GRID2: variants seen among roughly 807,000 people sequenced by gnomAD.
The protein encoded by GRID2 is glutamate ionotropic receptor delta type subunit 2.
In GRID2, 33 loss-of-function variants were observed where a neutral mutation model predicts 114.8. The observed-to-expected ratio is 0.29, with a 90% CI of 0.22 to 0.38. The LOEUF (loss-of-function observed/expected upper bound fraction) is 0.38. Among genes scored for constraint, GRID2 ranks in the 10% least tolerant of loss-of-function variants. The probability of loss-of-function intolerance (pLI) is 1.00; values close to 1 mark genes in which losing one functional copy is unlikely to be tolerated. For synonymous variants in GRID2, 505 were observed against 449.9 expected, an observed-to-expected ratio of 1.12 and a Z score of -1.55; for missense variants, 1,184 against 1,257.7, an observed-to-expected ratio of 0.94 and a Z score of 0.89.
At chr4:93,348,669 A>G (rs999550562) in intron 8 of GRID2, among the ~76,000 whole-genome samples, 2 of 152,150 alleles carry the variant, frequency 1.3e-5, no homozygotes, top group African/African-American at 4.8e-5. Context: ...TGGCACTCAT[A>G]GACTGCTTCC....
intron 8 of GRID2, among the ~76,000 whole-genome samples, chr4:93,277,780 CT>C (rs1203855537): frequency 6.6e-6 from 1 of 151,888 alleles, no homozygotes; most frequent in African/African-American, 2.4e-5. Flanking sequence ...ATCTGCCCCT[CT>C]TTGCATCTGT....
At chr4:93,310,497 C>T (rs1276753982) in intron 8 of GRID2, among the ~76,000 whole-genome samples, 4 of 152,064 alleles carry the variant, frequency 2.6e-5, no homozygotes, top group Non-Finnish European at 4.4e-5. Flanking sequence ...TGCCACTGCA[C>T]TCCAGCCTGG....
chr4:92,425,143 A>G (rs1732095212), intron 1 of GRID2, among the ~76,000 whole-genome samples: 1 of 152,102 alleles, frequency 6.6e-6, no homozygotes, highest in African/African-American at 2.4e-5. Context: ...AATTTTCTGT[A>G]GAAAGAGAAG....
chr4:93,057,211 C>T (rs1442280361), intron 2 of GRID2, among the ~76,000 whole-genome samples: 1 of 151,022 alleles, frequency 6.6e-6, no homozygotes, highest in Admixed American at 6.6e-5. Flanking sequence ...ATTTCTTAGA[C>T]ATCTTAGTAT....
intron 2 of GRID2, among the ~76,000 whole-genome samples, chr4:92,799,750 G>C (rs1348026264): frequency 6.6e-6 from 1 of 151,988 alleles, no homozygotes; most frequent in Non-Finnish European, 1.5e-5. Context: ...AAGTACTGGA[G>C]GTTAGGGCTT....
intron 4 of GRID2, among the ~76,000 whole-genome samples, chr4:93,148,113 TG>T (rs1367668792): frequency 6.6e-6 from 1 of 152,226 alleles, no homozygotes; most frequent in East Asian, 1.9e-4. Context: ...AGCCATGATG[TG>T]TGGCATACCA....
chr4:92,714,431 G>A (rs985108092), intron 2 of GRID2, among the ~76,000 whole-genome samples: 1 of 152,148 alleles, frequency 6.6e-6, no homozygotes, highest in African/African-American at 2.4e-5. Flanking sequence ...CCATTCTGGG[G>A]TCTGGAGAAT....
At chr4:92,730,260 A>G (rs1404860299) in intron 2 of GRID2, among the ~76,000 whole-genome samples, 1 of 151,970 alleles carries the variant, frequency 6.6e-6, no homozygotes, top group East Asian at 1.9e-4. Context: ...ACCACTACAT[A>G]GAAAAGGTAG....
intron 2 of GRID2, among the ~76,000 whole-genome samples, chr4:93,005,934 T>G (rs902587516): frequency 5.3e-5 from 8 of 152,122 alleles, no homozygotes; most frequent in East Asian, 3.9e-4. Flanking sequence ...TTAACCACGC[T>G]GGTCTCTTTG....
intron 1 of GRID2, among the ~76,000 whole-genome samples, chr4:93,804,449 G>A (rs189697537): frequency 4.6e-5 from 7 of 152,062 alleles, no homozygotes; most frequent in Admixed American, 6.6e-5. Context: ...ACAGAATACC[G>A]CAGGCAATTG....
intron 2 of GRID2, among the ~76,000 whole-genome samples, chr4:92,898,028 T>C (rs1747295174): frequency 6.6e-6 from 1 of 152,100 alleles, no homozygotes; most frequent in Non-Finnish European, 1.5e-5. Context: ...TCTGAAAAAT[T>C]GTAAGTTAAA....
At chr4:92,823,623 G>A (rs1741454726) in intron 2 of GRID2, among the ~76,000 whole-genome samples, 1 of 152,082 alleles carries the variant, frequency 6.6e-6, no homozygotes, top group Admixed American at 6.6e-5. Context: ...GATTAAAAAT[G>A]TATCTAGATC....
chr4:93,340,624 C>A (rs1192775748), intron 8 of GRID2, among the ~76,000 whole-genome samples: 1 of 151,960 alleles, frequency 6.6e-6, no homozygotes, highest in Non-Finnish European at 1.5e-5. Context: ...GACACTAGTT[C>A]CTCTTTAAAG....
intron 13 of GRID2, among the ~76,000 whole-genome samples, chr4:93,517,557 TA>T (rs1413780466): frequency 2.6e-5 from 4 of 152,070 alleles, no homozygotes. Context: ...GACAATTGAT[TA>T]GACAGAGAGC....
intron 2 of GRID2, among the ~76,000 whole-genome samples, chr4:92,950,935 A>G (rs1217199638): frequency 1.3e-5 from 2 of 152,106 alleles, no homozygotes; most frequent in African/African-American, 4.8e-5. Flanking sequence ...GATTATGTAT[A>G]CTGATTATGA....
In GRID2 at chr4:92,849,104, C is replaced by G. The variant is rs531528823; in HGVS notation, c.245-235891C>G. The stretch of plus-strand genomic sequence containing the variant: ...AGGGCTATAAGTATCCTGTATATGC[C>G]GCCTACCATCACCATGCCATTTACC... On this transcript the variant is annotated intron_variant, in intron 2 of 15. Transcript: ENST00000282020. 2.0e-5 allele frequency among the ~76,000 whole-genome samples: 3 copies of G among 151,946 alleles called. No homozygotes were observed. The South Asian group carries it at 6.2e-4, about 31-fold the overall frequency.
At chr4:93,730,781 T>C (rs956068192) in intron 14 of GRID2, among the ~76,000 whole-genome samples, 1 of 152,236 alleles carries the variant, frequency 6.6e-6, no homozygotes, top group Non-Finnish European at 1.5e-5. Flanking sequence ...CTTTCTTCCC[T>C]GTAAGGTGGT....
chr4:93,240,943 GT>G (rs1468355926), intron 8 of GRID2, among the ~76,000 whole-genome samples: 1 of 151,448 alleles, frequency 6.6e-6, no homozygotes, highest in Non-Finnish European at 1.5e-5. Context: ...CATTATTCCT[GT>G]TTTTATTATT....
chr4:92,749,415 A>C (rs780193601), intron 2 of GRID2, among the ~76,000 whole-genome samples: 9 of 149,148 alleles, frequency 6.0e-5, no homozygotes, highest in Non-Finnish European at 1.2e-4. Flanking sequence ...CCCGGGCTCA[A>C]GCAATTCTTC....
Sources: allele counts gnomAD v4.1 joint callset (sites outside exome capture counted in the v4.1 genomes callset), GRCh38; gene constraint gnomAD v4.1.1; transcripts MANE v1.5; gene names NCBI Gene and HGNC (gene_info 2026-07-23, HGNC 2026-07-21).